Variants in SLC1A2 observed in about 807,000 individuals in gnomAD.
SLC1A2 encodes solute carrier family 1 member 2.
Under a neutral mutation model 48.8 loss-of-function variants are expected in SLC1A2, and 15 were observed. That is an observed-to-expected ratio of 0.31 (90% CI 0.21 to 0.47). The LOEUF is 0.47. SLC1A2 is among the 20% of genes least tolerant of loss of function. The pLI is 0.99. For missense variants in SLC1A2, 502 were observed against 730.5 expected (o/e 0.69, Z 3.61); for synonymous variants, 279 against 272.6 (o/e 1.02, Z -0.23).
At chr11:35,331,253 G>T (rs7949171) in intron 1 of SLC1A2, among the ~76,000 whole-genome samples, 3,451 of 152,266 alleles carry the variant, frequency 0.023, 115 homozygotes, top group African/African-American at 0.078. Flanking sequence ...CTAATCACGT[G>T]TTTAAAAGGC....
At position 35,259,677 on chromosome 11, in the gene SLC1A2, G is replaced by T. The variant is rs2134582727; in HGVS notation, c.*1217C>A. On this transcript the variant is annotated 3_prime_UTR_variant, in exon 11 of 11. Coordinates refer to ENST00000278379, the MANE Select transcript of SLC1A2 (RefSeq NM_004171.4). Reference sequence around the variant, plus strand: ...GCCATAGGAATATCACTTTTATAGGGTTTTGCACAGATGTTTGTTTTCTGT... The same window carrying T: ...GCCATAGGAATATCACTTTTATAGGTTTTTGCACAGATGTTTGTTTTCTGT... The T allele has an allele frequency of 6.6e-6, 1 of 152,350 alleles. No individual in the cohort carries two copies. The highest frequency in any genetic ancestry group is 1.5e-5 in the Non-Finnish European group (1 of 68,050). 9.4% of individuals were successfully genotyped at this position (152,350 alleles called of 1,614,324 possible). A position where few individuals can be genotyped will look rare whatever the true frequency, so the allele number is the denominator to read the frequency against.
rs1950373185 is a variant in SLC1A2, at chr11:35,260,272, C to G, written c.*622G>C. On this transcript the variant is annotated 3_prime_UTR_variant, in exon 11 of 11. Transcript: ENST00000278379. ...GCAGAGATGTAACAGGTTCTTTAAT[C>G]AACTGCCTTTAAGAGCATGGCTCCC... is the stretch of plus-strand genomic sequence containing the variant. 1.3e-5 allele frequency: 2 copies of G among 152,372 alleles called. No homozygotes were observed. Among genetic ancestry groups the G allele is most frequent in the Non-Finnish European group, 2.9e-5 (2 of 68,168 alleles). The allele number at this position is 152,372 out of a possible 1,614,324, so 9.4% of individuals were successfully genotyped here. A position where few individuals can be genotyped will look rare whatever the true frequency, so the allele number is the denominator to read the frequency against.
At chr11:35,299,847 G>A (rs571648270) in intron 6 of SLC1A2, 1 of 152,236 alleles carries the variant, frequency 6.6e-6, no homozygotes, top group South Asian at 2.1e-4. Context: ...TGGCAAAGAA[G>A]GTGGGTAGGC....
chr11:35,268,257 C>A (rs1445812316), intron 9 of SLC1A2, among the ~76,000 whole-genome samples: 1 of 152,110 alleles, frequency 6.6e-6, no homozygotes, highest in Non-Finnish European at 1.5e-5. Context: ...ACTCTGAGTA[C>A]CCATTGATCT....
At chr11:35,269,232 A>G (rs189374062) in intron 9 of SLC1A2, among the ~76,000 whole-genome samples, 56 of 152,298 alleles carry the variant, frequency 3.7e-4, no homozygotes, top group African/African-American at 1.3e-3. Flanking sequence ...CAGTGCCTTG[A>G]TCTTGGACTT....
Position 35,312,420 on chromosome 11 carries a change from A to T in SLC1A2, c.339T>A (p.Ser113Arg). Residue 113 changes from serine to arginine, a missense_variant, in exon 4 of 11, where the codon AGT becomes AGA. Coordinates refer to ENST00000278379, the MANE Select transcript of SLC1A2 (RefSeq NM_004171.4). Reference sequence around the variant, plus strand: ...CCATGGCTCTCGTGCCCAAGCGGCCACTAGCCTTAGCATCCAGGCCTGACA... The same window carrying T: ...CCATGGCTCTCGTGCCCAAGCGGCCTCTAGCCTTAGCATCCAGGCCTGACA... ...TGLSGLDAKA[S>R]GRLGTRAMVY... is the part of the protein sequence containing the mutation. 1 of 1,614,200 alleles carries T rather than the reference A, an allele frequency of 6.2e-7. No individual in the cohort carries two copies.
At chr11:35,281,064 C>A (rs1443383824) in intron 8 of SLC1A2, 63 bp from the exon 9 acceptor site, 7 of 1,464,110 alleles carry the variant, frequency 4.8e-6, no homozygotes, top group Non-Finnish European at 6.3e-6. Flanking sequence ...CCAACCCTGG[C>A]AATTTTAAGC....
intron 1 of SLC1A2, among the ~76,000 whole-genome samples, chr11:35,394,453 C>T (rs1042017523): frequency 9.2e-5 from 14 of 152,106 alleles, no homozygotes; most frequent in African/African-American, 3.4e-4. Context: ...GTGCAAATAG[C>T]TCATTTAACT....
intron 1 of SLC1A2, chr11:35,418,643 T>C: frequency 2.4e-6 from 1 of 418,756 alleles, no homozygotes; most frequent in Non-Finnish European, 4.3e-6. Flanking sequence ...CAATCCCCTA[T>C]TGTTTTGAAA....
chr11:35,391,901 C>T (rs1029554779), intron 1 of SLC1A2, among the ~76,000 whole-genome samples: 1 of 151,994 alleles, frequency 6.6e-6, no homozygotes, highest in African/African-American at 2.4e-5. Flanking sequence ...GAAAAAGGAG[C>T]GTAGGAAAGA....
chr11:35,403,621 C>T (rs1855196036), intron 1 of SLC1A2, among the ~76,000 whole-genome samples: 2 of 152,146 alleles, frequency 1.3e-5, no homozygotes, highest in Non-Finnish European at 2.9e-5. Context: ...CCGTGGACTG[C>T]CTAAGTCGCA....
At chr11:35,272,014 GAGAA>G (rs1410098753) in intron 9 of SLC1A2, among the ~76,000 whole-genome samples, 2 of 152,194 alleles carry the variant, frequency 1.3e-5, no homozygotes, top group Admixed American at 1.3e-4. Flanking sequence ...ATGATTGATT[GAGAA>G]AGGAAGGAGA....
At chr11:35,348,428 T>C (rs952558543) in intron 1 of SLC1A2, among the ~76,000 whole-genome samples, 4 of 98,538 alleles carry the variant, frequency 4.1e-5, no homozygotes, top group African/African-American at 1.2e-4. Context: ...TGCTCGCATG[T>C]AGCAGATACT....
chr11:35,417,305 A>G (rs561494054), intron 1 of SLC1A2, among the ~76,000 whole-genome samples: 24 of 152,346 alleles, frequency 1.6e-4, no homozygotes, highest in African/African-American at 5.3e-4. Flanking sequence ...AAACTTACTT[A>G]GTTTGGGGTT....
intron 1 of SLC1A2, among the ~76,000 whole-genome samples, chr11:35,389,757 A>G (rs1020393629): frequency 4.6e-5 from 7 of 152,048 alleles, no homozygotes; most frequent in African/African-American, 1.7e-4. Context: ...GGCATGAGCT[A>G]CCATGCCCAG....
At chr11:35,262,801 G>T (rs1591399082) in intron 10 of SLC1A2, among the ~76,000 whole-genome samples, 1 of 152,204 alleles carries the variant, frequency 6.6e-6, no homozygotes, top group South Asian at 2.1e-4. Flanking sequence ...AACTGAAATA[G>T]TTGATAAACC....
intron 1 of SLC1A2, among the ~76,000 whole-genome samples, chr11:35,371,387 T>C (rs1412657567): frequency 6.6e-6 from 1 of 152,148 alleles, no homozygotes; most frequent in African/African-American, 2.4e-5. Context: ...TCACTCTTCA[T>C]CTCCCTGCCA....
At position 35,418,690 on chromosome 11, in the gene SLC1A2, C is replaced by A. The variant is rs1035429526; in HGVS notation, c.17+260G>T. Reference sequence around the variant, plus strand: ...ACCTCAAGAGGATTTCTTCCTCACACTCTCAGGCCCCCAGCGCACCTTACC... The same window carrying A: ...ACCTCAAGAGGATTTCTTCCTCACAATCTCAGGCCCCCAGCGCACCTTACC... On this transcript the variant is annotated intron_variant, in intron 1 of 10. Coordinates refer to ENST00000278379, the MANE Select transcript of SLC1A2 (RefSeq NM_004171.4). The A allele has an allele frequency of 9.6e-6, 5 of 518,854 alleles. No homozygotes were observed. In the Admixed American group the frequency reaches 1.5e-4, roughly 15 times the overall value. The allele number at this position is 518,854 out of a possible 1,614,324, so 32.1% of individuals were successfully genotyped here.
intron 1 of SLC1A2, among the ~76,000 whole-genome samples, chr11:35,360,880 A>AT (rs1478823430): frequency 2.6e-5 from 4 of 151,566 alleles, no homozygotes; most frequent in African/African-American, 7.3e-5. Context: ...TTTATTTATT[A>AT]TTATTTTTTT....
Sources: allele counts gnomAD v4.1 joint callset (sites outside exome capture counted in the v4.1 genomes callset), GRCh38; gene constraint gnomAD v4.1.1; transcripts MANE v1.5; gene names NCBI Gene and HGNC (gene_info 2026-07-23, HGNC 2026-07-21).